TYW1: variants seen among roughly 807,000 people sequenced by gnomAD.
TYW1 encodes the protein tRNA-yW synthesizing protein 1 homolog.
A neutral mutation model predicts 96.2 loss-of-function variants in TYW1; 46 were observed. The ratio of observed to expected loss-of-function variants is 0.48; its 90% CI spans 0.38 to 0.61. The LOEUF is 0.61. Ranked by LOEUF, TYW1 falls within the 20% of genes least tolerant of loss-of-function variation. TYW1 has a pLI of 0.00. For synonymous variants in TYW1, 274 were observed against 323.0 expected (o/e 0.85, Z 1.63); for missense variants, 684 against 909.6 (o/e 0.75, Z 3.19).
At chr7:67,045,512 C>T (rs1403427649) in intron 7 of TYW1, among the ~76,000 whole-genome samples, 1 of 152,126 alleles carries the variant, frequency 6.6e-6, no homozygotes, top group Non-Finnish European at 1.5e-5. Context: ...GCCACTGTAC[C>T]CAACCAGTAT....
intron 7 of TYW1, among the ~76,000 whole-genome samples, chr7:67,026,489 T>C (rs976032998): frequency 2.0e-5 from 3 of 152,120 alleles, no homozygotes; most frequent in Admixed American, 6.6e-5. Flanking sequence ...TTGTTTTAGG[T>C]AGAGTGACTC....
At chr7:67,123,287 A>C (rs1208137351) in intron 13 of TYW1, among the ~76,000 whole-genome samples, 4 of 152,098 alleles carry the variant, frequency 2.6e-5, no homozygotes. Context: ...GGCTGATTCC[A>C]TTCAGCTTGG....
At chr7:66,997,534 A>G (rs1793218446) in intron 1 of TYW1, among the ~76,000 whole-genome samples, 1 of 152,230 alleles carries the variant, frequency 6.6e-6, no homozygotes, top group African/African-American at 2.4e-5. Flanking sequence ...AAGTGAAGAT[A>G]CAATTTTATA....
intron 15 of TYW1, among the ~76,000 whole-genome samples, chr7:67,216,944 T>G (rs1190165745): frequency 1.3e-5 from 2 of 151,112 alleles, no homozygotes; most frequent in African/African-American, 4.9e-5. Flanking sequence ...TATATTTATC[T>G]GGAGTATTTT....
At chr7:67,057,934 G>T (rs1341248505) in intron 9 of TYW1, among the ~76,000 whole-genome samples, 2 of 151,994 alleles carry the variant, frequency 1.3e-5, no homozygotes, top group African/African-American at 4.8e-5. Flanking sequence ...AGTGTTTTTT[G>T]TATTTTAAGA....
chr7:67,217,846 CTTTTTTTTTTTT>C (rs57748332), intron 15 of TYW1, among the ~76,000 whole-genome samples: 21 of 69,258 alleles, frequency 3.0e-4, no homozygotes, highest in East Asian at 9.3e-4. Context: ...GTGTTGATGT[CTTTTTTTTTTTT>C]TTTTTTTTTT....
intron 13 of TYW1, among the ~76,000 whole-genome samples, chr7:67,165,779 A>G (rs1799303181): frequency 6.6e-6 from 1 of 151,966 alleles, no homozygotes; most frequent in South Asian, 2.1e-4. Context: ...AAATTACAAA[A>G]ATTAGCCAGG....
At chr7:67,162,687 G>A (rs2116226336) in intron 13 of TYW1, among the ~76,000 whole-genome samples, 1 of 152,324 alleles carries the variant, frequency 6.6e-6, no homozygotes, top group Admixed American at 6.5e-5. Flanking sequence ...AACATTGCCA[G>A]AGATTTTACT....
intron 15 of TYW1, among the ~76,000 whole-genome samples, chr7:67,221,861 CTTT>C (rs58609089): frequency 6.9e-6 from 1 of 144,304 alleles, no homozygotes; most frequent in Non-Finnish European, 1.5e-5. Flanking sequence ...TAATACTTGT[CTTT>C]TTTTTTTTTT....
chr7:67,178,970 G>T (rs1396913387), intron 13 of TYW1, among the ~76,000 whole-genome samples: 3 of 138,990 alleles, frequency 2.2e-5, no homozygotes, highest in Non-Finnish European at 4.7e-5. Flanking sequence ...CCCCAAAACC[G>T]GGGCTTAGCT....
chr7:67,040,806 T>C (rs1488540223), intron 7 of TYW1, among the ~76,000 whole-genome samples: 1 of 151,804 alleles, frequency 6.6e-6, no homozygotes, highest in African/African-American at 2.4e-5. Context: ...ATCACGCCAC[T>C]GCACTCCAGC....
chr7:67,019,631 G>A (rs1452944119), intron 6 of TYW1, among the ~76,000 whole-genome samples: 1 of 151,872 alleles, frequency 6.6e-6, no homozygotes, highest in Non-Finnish European at 1.5e-5. Flanking sequence ...ACTGCACCTA[G>A]CCAAAATATA....
chr7:67,176,345 A>G (rs1264078942), intron 13 of TYW1, among the ~76,000 whole-genome samples: 10 of 152,202 alleles, frequency 6.6e-5, no homozygotes, highest in Non-Finnish European at 1.2e-4. Flanking sequence ...ATATTTATTT[A>G]TGGTAGCCAC....
chr7:66,997,328 A>C (rs939370571), intron 1 of TYW1, among the ~76,000 whole-genome samples: 4 of 152,334 alleles, frequency 2.6e-5, no homozygotes, highest in African/African-American at 9.6e-5. Flanking sequence ...CTTAAAAAAA[A>C]AAAAATGAGG....
intron 15 of TYW1, among the ~76,000 whole-genome samples, chr7:67,205,519 TGTG>T (rs1325251796): frequency 6.6e-6 from 1 of 151,554 alleles, no homozygotes; most frequent in Non-Finnish European, 1.5e-5. Context: ...CCAGGCTCCC[TGTG>T]TAGTCTGTAT....
At chr7:66,998,035 A>G (rs1793249644) in intron 1 of TYW1, 30 bp from the exon 2 acceptor site, 3 of 1,561,996 alleles carry the variant, frequency 1.9e-6, no homozygotes, top group Non-Finnish European at 2.6e-6. Context: ...GTAGCTTTAA[A>G]TGAAATTGTG....
At chr7:67,158,346 C>T (rs1034363265) in intron 13 of TYW1, among the ~76,000 whole-genome samples, 1 of 152,092 alleles carries the variant, frequency 6.6e-6, no homozygotes, top group Non-Finnish European at 1.5e-5. Flanking sequence ...CTTCGGCCTC[C>T]CAAAGTGCTG....
chr7:67,029,382 C>CGTGTGTGTGT (rs67162571), intron 7 of TYW1, among the ~76,000 whole-genome samples: 3,773 of 106,690 alleles, frequency 0.035, 203 homozygotes, highest in Non-Finnish European at 0.047. Flanking sequence ...TGTGTGTGTG[C>CGTGTGTGTGT]GTGTGTGTGT....
chr7:67,080,806 G>A (rs1342446315), intron 10 of TYW1, among the ~76,000 whole-genome samples: 1 of 151,826 alleles, frequency 6.6e-6, no homozygotes, highest in East Asian at 1.9e-4. Context: ...ACATAGTTGG[G>A]TGTTTTTTTT....
Sources: allele counts gnomAD v4.1 joint callset (sites outside exome capture counted in the v4.1 genomes callset), GRCh38; gene constraint gnomAD v4.1.1; transcripts MANE v1.5; gene names NCBI Gene and HGNC (gene_info 2026-07-23, HGNC 2026-07-21).